Variants in ETHE1 observed in about 807,000 individuals in gnomAD.
ETHE1 encodes the protein ETHE1 persulfide dioxygenase.
A neutral mutation model predicts 25.7 loss-of-function variants in ETHE1; 16 were observed. That is an observed-to-expected ratio of 0.62 (90% CI 0.42 to 0.95). The LOEUF is 0.95. ETHE1 is among the 40% of genes least tolerant of loss of function. The pLI, the probability that ETHE1 is intolerant of heterozygous loss-of-function variation, is 0.00. For missense variants in ETHE1, 300 were observed against 333.6 expected (o/e 0.90, Z 0.79); for synonymous variants, 139 against 135.9 (o/e 1.02, Z -0.16).
chr19:43,513,506 T>C (rs1341207257), intron 3 of ETHE1, among the ~76,000 whole-genome samples: 1 of 152,216 alleles, frequency 6.6e-6, no homozygotes, highest in East Asian at 1.9e-4. Context: ...AAAGATCTTT[T>C]TGGAGCTTTA....
At chr19:43,519,746 T>C (rs1019462106) in intron 3 of ETHE1, among the ~76,000 whole-genome samples, 2 of 152,076 alleles carry the variant, frequency 1.3e-5, no homozygotes, top group Non-Finnish European at 2.9e-5. Context: ...CTCAAAACTA[T>C]AGTAAACACC....
chr19:43,508,108 G>A (rs1006430328), intron 5 of ETHE1, 48 bp from the exon 6 acceptor site: 2 of 1,608,216 alleles, frequency 1.2e-6, no homozygotes, highest in African/African-American at 2.7e-5. Context: ...TAGTGCCTCA[G>A]GCCTCTCAGA....
intron 4 of ETHE1, among the ~76,000 whole-genome samples, chr19:43,509,682 G>A (rs969911167): frequency 7.2e-5 from 11 of 151,906 alleles, no homozygotes; most frequent in African/African-American, 2.4e-4. Flanking sequence ...TGTAGTCCCA[G>A]CTACTCGGGA....
intron 4 of ETHE1, among the ~76,000 whole-genome samples, chr19:43,509,986 G>C (rs546628468): frequency 1.4e-4 from 22 of 152,226 alleles, no homozygotes; most frequent in African/African-American, 5.3e-4. Context: ...TGGGAGATTG[G>C]GAGCCTTGGA....
intron 3 of ETHE1, among the ~76,000 whole-genome samples, chr19:43,518,999 G>GT (rs71169253): frequency 0.019 from 1,683 of 90,834 alleles, 327 homozygotes; most frequent in Admixed American, 0.027. Flanking sequence ...ATTTGTGCTT[G>GT]TTTTTTTTTT....
intron 3 of ETHE1, among the ~76,000 whole-genome samples, chr19:43,519,075 T>C (rs906386869): frequency 7.1e-6 from 1 of 139,914 alleles, no homozygotes; most frequent in East Asian, 2.4e-4. Context: ...AGTGGTGCGA[T>C]CTCGTCTCAC....
chr19:43,509,358 A>G (rs1414547838), intron 4 of ETHE1, among the ~76,000 whole-genome samples: 8 of 152,028 alleles, frequency 5.3e-5, no homozygotes, highest in East Asian at 1.9e-4. Flanking sequence ...TTAGCCAGGC[A>G]TGGTGACCCA....
chr19:43,526,230 C>T lies in ETHE1; in HGVS notation c.346G>A (p.Asp116Asn). 1 of 1,614,186 alleles carries T rather than the reference C, an allele frequency of 6.2e-7. No homozygotes were observed. Residue 116 changes from aspartate (D) to asparagine (N), a missense_variant, in exon 3 of 7, where the codon GAT (aspartate) becomes AAT (asparagine). Physicochemically the swap from Asp to Asn is conservative, Grantham distance 23. Transcript: ENST00000292147. ...SGAQADLHIE[D>N]GDSIRFGRFA... The stretch of plus-strand genomic sequence containing the variant: ...CGCCCGAAGCGGATGGAGTCTCCAT[C>T]CTCAATGTGTAAGTCAGCCTGGGCC...
At position 43,508,792 on chromosome 19, in the gene ETHE1, G is replaced by A; in HGVS notation, c.578C>T (p.Pro193Leu). 3 of 1,606,620 alleles carry A rather than the reference G, an allele frequency of 1.9e-6. No homozygotes were observed. The highest frequency in any genetic ancestry group is 2.5e-6 in the Non-Finnish European group (3 of 1,176,838). ...GCCCTCACCATGGTAATCGTGAGCA[G>A]GGTAGATCAGACAGTCTCCTGGAAG... ...FTLPGDCLIY[P>L]AHDYHGFTVS... Residue 193 changes from proline to leucine, a missense_variant, in exon 5 of 7, where the codon CCT (proline) becomes CTT (leucine). By Grantham distance (98) the Pro-to-Leu change is moderately conservative. Transcript: ENST00000292147.
At position 43,506,725 on chromosome 19, in the gene ETHE1, TA is replaced by T. The variant is rs557741336; in HGVS notation, c.*124del. 6 of 939,304 alleles carry T rather than the reference TA, an allele frequency of 6.4e-6. No individual in the cohort carries two copies. The highest frequency in any genetic ancestry group is 1.6e-5 in the African/African-American group (1 of 61,852). 58.2% of individuals were successfully genotyped at this position (939,304 alleles called of 1,614,324 possible). On this transcript the variant is annotated 3_prime_UTR_variant, in exon 7 of 7. Transcript: ENST00000292147. ...AAATAGGTAGAAGTCAGACTCACGT[TA>T]AAAAAAGTTTTATTTAGGGAGCTCC...
At chr19:43,520,014 C>T (rs1412810335) in intron 3 of ETHE1, among the ~76,000 whole-genome samples, 1 of 148,714 alleles carries the variant, frequency 6.7e-6, no homozygotes, top group Non-Finnish European at 1.5e-5. Flanking sequence ...GGGTTCAATA[C>T]CAGCCTGGAC....
At chr19:43,522,694 T>A (rs1407400998) in intron 3 of ETHE1, among the ~76,000 whole-genome samples, 1 of 152,168 alleles carries the variant, frequency 6.6e-6, no homozygotes, top group Non-Finnish European at 1.5e-5. Flanking sequence ...TTGGTCAGGC[T>A]GGTCTCGAAC....
chr19:43,516,623 C>CTTTTTTTTTTTTT (rs71169249), intron 3 of ETHE1, among the ~76,000 whole-genome samples: 92 of 110,130 alleles, frequency 8.4e-4, no homozygotes, highest in African/African-American at 9.9e-4. Flanking sequence ...TTCTTTTTTT[C>CTTTTTTTTTTTTT]TTTTTTTTTT....
intron 3 of ETHE1, among the ~76,000 whole-genome samples, chr19:43,523,266 TTTTG>T (rs781593445): frequency 3.9e-5 from 6 of 152,032 alleles, no homozygotes; most frequent in African/African-American, 9.6e-5. Flanking sequence ...AACAACTCGG[TTTTG>T]TTTGTTTGTT....
intron 4 of ETHE1, among the ~76,000 whole-genome samples, chr19:43,509,562 G>A (rs532660135): frequency 5.3e-5 from 8 of 151,176 alleles, no homozygotes; most frequent in East Asian, 2.0e-4. Flanking sequence ...TTGGGAGGCC[G>A]AGGTGGGTGA....
chr19:43,508,205 C>A, intron 5 of ETHE1, 145 bp from the exon 6 acceptor site: 1 of 1,334,050 alleles, frequency 7.5e-7, no homozygotes, highest in Non-Finnish European at 1.0e-6. Context: ...CCTCCATGGA[C>A]ACTATGGGAA....
intron 3 of ETHE1, among the ~76,000 whole-genome samples, chr19:43,521,250 G>A (rs370181751): frequency 1.8e-4 from 28 of 152,150 alleles, no homozygotes; most frequent in East Asian, 1.7e-3. Context: ...AAGGATCACC[G>A]AAAGGCGGAG....
intron 4 of ETHE1, among the ~76,000 whole-genome samples, chr19:43,510,297 G>C (rs2145982111): frequency 6.6e-6 from 1 of 151,906 alleles, no homozygotes; most frequent in Admixed American, 6.6e-5. Flanking sequence ...TTGCTCCCTG[G>C]CAATTAAACC....
Position 43,506,802 on chromosome 19 carries a change from C to T in ETHE1, c.*48G>A, listed in dbSNP as rs777509773. The T allele has an allele frequency of 4.5e-6, 7 of 1,561,566 alleles. No homozygotes were observed. The highest frequency in any genetic ancestry group is 5.3e-6 in the Non-Finnish European group (6 of 1,133,754). On this transcript the variant is annotated 3_prime_UTR_variant, in exon 7 of 7. Coordinates refer to ENST00000292147, the MANE Select transcript of ETHE1 (RefSeq NM_014297.5). ...TGCAGTGTCATTGCCGCCCTCTCCT[C>T]CCACCTAGTGCATTAATAGTGGATG...
Sources: gnomAD v4.1 joint callset for allele counts (sites outside exome capture counted in the v4.1 genomes callset) on GRCh38, gnomAD v4.1.1 for gene constraint, MANE v1.5 for transcripts, NCBI Gene and HGNC (gene_info 2026-07-23, HGNC 2026-07-21) for gene names.